Variants in SAMD12 observed in about 807,000 individuals in gnomAD.
SAMD12 encodes the protein sterile alpha motif domain-containing protein 12.
Under a neutral mutation model 15.0 loss-of-function variants are expected in SAMD12, and 9 were observed. That is an observed-to-expected ratio of 0.60 (90% CI 0.36 to 1.05). The LOEUF is 1.05. Among genes scored for constraint, SAMD12 ranks in the 50% least tolerant of loss-of-function variants. SAMD12 has a pLI of 0.01. For missense variants in SAMD12, 230 were observed against 234.2 expected, an observed-to-expected ratio of 0.98 and a Z score of 0.12; for synonymous variants, 86 against 90.1, an observed-to-expected ratio of 0.96 and a Z score of 0.25.
chr8:118,605,764 CAATATATATATATATATA>C (rs1563608578), intron 1 of SAMD12, among the ~76,000 whole-genome samples: 2 of 81,562 alleles, frequency 2.5e-5, no homozygotes, highest in Admixed American at 1.3e-4. Context: ...AAACCCATCA[CAATATATATATATATATA>C]TATATATATA....
At chr8:118,522,171 C>T (rs1825405297) in intron 2 of SAMD12, among the ~76,000 whole-genome samples, 1 of 18,944 alleles carries the variant, frequency 5.3e-5, no homozygotes, top group African/African-American at 6.8e-4. Context: ...CACACACACA[C>T]ACACACATAC....
At chr8:118,568,134 G>A (rs906040914) in intron 2 of SAMD12, among the ~76,000 whole-genome samples, 30 of 152,166 alleles carry the variant, frequency 2.0e-4, no homozygotes, top group African/African-American at 6.8e-4. Flanking sequence ...CAGGGATCAG[G>A]GGCCTTGGAA....
chr8:118,319,923 G>C (rs1391559720), intron 4 of SAMD12, among the ~76,000 whole-genome samples: 1 of 152,152 alleles, frequency 6.6e-6, no homozygotes, highest in South Asian at 2.1e-4. Context: ...CTTAGAACTC[G>C]CTAGAGTTAG....
chr8:118,540,244 C>T (rs995955219), intron 2 of SAMD12, among the ~76,000 whole-genome samples: 2 of 152,132 alleles, frequency 1.3e-5, no homozygotes, highest in Admixed American at 1.3e-4. Flanking sequence ...CAAATTCTTC[C>T]AGGGTAGTGG....
chr8:118,603,528 C>T (rs1312974532), intron 1 of SAMD12, among the ~76,000 whole-genome samples: 1 of 152,178 alleles, frequency 6.6e-6, no homozygotes, highest in Non-Finnish European at 1.5e-5. Flanking sequence ...AGCCAGTCAA[C>T]TTACAAATTA....
intron 2 of SAMD12, among the ~76,000 whole-genome samples, chr8:118,525,604 C>T (rs1463460053): frequency 6.6e-6 from 1 of 152,160 alleles, no homozygotes; most frequent in Non-Finnish European, 1.5e-5. Context: ...CCAAACTGCC[C>T]ATTCTCAGTC....
At chr8:118,372,086 C>G (rs1476438016) in intron 4 of SAMD12, among the ~76,000 whole-genome samples, 3 of 152,060 alleles carry the variant, frequency 2.0e-5, no homozygotes, top group African/African-American at 7.2e-5. Flanking sequence ...CATGAAAGAG[C>G]CTGGAAATTC....
intron 4 of SAMD12, among the ~76,000 whole-genome samples, chr8:118,233,785 G>C (rs370223870): frequency 3.3e-5 from 5 of 152,172 alleles, no homozygotes; most frequent in East Asian, 1.9e-4. Context: ...GGCCCACATA[G>C]CACTTTTATC....
At chr8:118,609,135 A>T (rs536078392) in intron 1 of SAMD12, among the ~76,000 whole-genome samples, 11 of 152,372 alleles carry the variant, frequency 7.2e-5, no homozygotes, top group Non-Finnish European at 1.2e-4. Context: ...AACAAGTAAG[A>T]TAATGACTCA....
At chr8:118,405,392 T>G (rs1005787689) in intron 3 of SAMD12, among the ~76,000 whole-genome samples, 1 of 148,100 alleles carries the variant, frequency 6.8e-6, no homozygotes, top group Non-Finnish European at 1.5e-5. Flanking sequence ...ACAGCCATAC[T>G]CAACACCGAT....
intron 2 of SAMD12, among the ~76,000 whole-genome samples, chr8:118,462,400 T>C (rs1025966872): frequency 6.6e-6 from 1 of 152,288 alleles, no homozygotes; most frequent in East Asian, 1.9e-4. Context: ...GTGCTGAATG[T>C]CAATTATATT....
At chr8:118,299,108 GTGA>G (rs1318592568) in intron 4 of SAMD12, among the ~76,000 whole-genome samples, 1 of 152,132 alleles carries the variant, frequency 6.6e-6, no homozygotes, top group Non-Finnish European at 1.5e-5. Flanking sequence ...ATCAAAAGGG[GTGA>G]TGATAATGCA....
intron 4 of SAMD12, among the ~76,000 whole-genome samples, chr8:118,294,269 A>G (rs1456890012): frequency 6.6e-6 from 1 of 152,154 alleles, no homozygotes; most frequent in Admixed American, 6.5e-5. Context: ...TTTCACTTCT[A>G]CCCAAAAGCA....
intron 3 of SAMD12, among the ~76,000 whole-genome samples, chr8:118,434,797 A>T (rs1404216608): frequency 2.0e-5 from 3 of 152,140 alleles, no homozygotes; most frequent in African/African-American, 4.8e-5. Flanking sequence ...TAACCGTCTT[A>T]TTCTTTTTAA....
the SAMD12 span, among the ~76,000 whole-genome samples, chr8:118,153,871 CCT>C: frequency 6.6e-6 from 1 of 152,130 alleles, no homozygotes; most frequent in Non-Finnish European, 1.5e-5. Flanking sequence ...ACCCTTAATT[CCT>C]CTTTTTCTTC....
chr8:118,548,285 C>A (rs1826188024), intron 2 of SAMD12, among the ~76,000 whole-genome samples: 1 of 152,030 alleles, frequency 6.6e-6, no homozygotes, highest in Non-Finnish European at 1.5e-5. Context: ...GAAAACAAAA[C>A]AGGCTCCAGT....
At chr8:118,271,443 C>T (rs1813353674) in intron 4 of SAMD12, among the ~76,000 whole-genome samples, 1 of 152,072 alleles carries the variant, frequency 6.6e-6, no homozygotes. Flanking sequence ...ACACCCAAAC[C>T]ATATCATTCC....
chr8:118,575,392 A>T (rs1435392606), intron 2 of SAMD12, among the ~76,000 whole-genome samples: 2 of 152,200 alleles, frequency 1.3e-5, no homozygotes, highest in Non-Finnish European at 2.9e-5. Flanking sequence ...GCAGCATTTT[A>T]ACCTCTTCTT....
intron 3 of SAMD12, among the ~76,000 whole-genome samples, chr8:118,416,893 C>G (rs1213846768): frequency 1.3e-5 from 2 of 151,962 alleles, no homozygotes; most frequent in African/African-American, 4.8e-5. Context: ...AAAGTGTTTC[C>G]AGATATTCCA....
Sources: allele counts gnomAD v4.1 joint callset (sites outside exome capture counted in the v4.1 genomes callset), GRCh38; gene constraint gnomAD v4.1.1; transcripts MANE v1.5; gene names NCBI Gene and HGNC (gene_info 2026-07-23, HGNC 2026-07-21).